PCDH19: variants seen among roughly 807,000 people sequenced by gnomAD.
PCDH19 encodes protocadherin-19.
A neutral mutation model predicts 46.2 loss-of-function variants in PCDH19; 6 were observed. The observed-to-expected ratio is 0.13, with a 90% CI of 0.07 to 0.26. The LOEUF is 0.26. Among genes scored for constraint, PCDH19 ranks in the 10% least tolerant of loss-of-function variants. The pLI is 1.00. For synonymous variants in PCDH19, 481 were observed against 415.7 expected (o/e 1.16, Z -1.91); for missense variants, 740 against 972.3 (o/e 0.76, Z 3.18).
intron 3 of PCDH19, among the ~76,000 whole-genome samples, chrX:100,355,742 C>A (rs1926692388): frequency 9.0e-6 from 1 of 111,060 alleles, no homozygotes; most frequent in African/African-American, 3.3e-5. Context: ...TTCTCAGGTC[C>A]CTTCTGGATA....
intron 4 of PCDH19, among the ~76,000 whole-genome samples, chrX:100,346,070 C>T (rs1231488308): frequency 8.9e-6 from 1 of 112,056 alleles, no homozygotes; most frequent in Non-Finnish European, 1.9e-5. Flanking sequence ...TTAGGGGTTC[C>T]TGTTTCCAAT....
chrX:100,383,727 G>A (rs1000748585), intron 3 of PCDH19, among the ~76,000 whole-genome samples: 1 of 111,937 alleles, frequency 8.9e-6, no homozygotes, highest in African/African-American at 3.2e-5. Flanking sequence ...GACTTAACAT[G>A]ACTCCAAAGT....
At chrX:100,382,871 G>A (rs1381884896) in intron 3 of PCDH19, among the ~76,000 whole-genome samples, 1 of 112,167 alleles carries the variant, frequency 8.9e-6, no homozygotes, top group African/African-American at 3.2e-5. Flanking sequence ...GGGTGTCACA[G>A]TAAGGAACAA....
At chrX:100,377,851 G>T (rs887465060) in intron 3 of PCDH19, among the ~76,000 whole-genome samples, 13 of 112,148 alleles carry the variant, frequency 1.2e-4, no homozygotes, top group African/African-American at 4.2e-4. Context: ...TGAATGGAAG[G>T]CAGCCAAATA....
intron 4 of PCDH19, among the ~76,000 whole-genome samples, chrX:100,346,450 C>T (rs980427717): frequency 8.9e-6 from 1 of 111,780 alleles, no homozygotes; most frequent in Non-Finnish European, 1.9e-5. Context: ...ACCTTGGGAA[C>T]CTGTTACAAC....
intron 4 of PCDH19, among the ~76,000 whole-genome samples, chrX:100,348,077 A>G (rs1378477391): frequency 9.3e-6 from 1 of 107,936 alleles, no homozygotes; most frequent in African/African-American, 3.4e-5. Flanking sequence ...AAAAAAAAAA[A>G]AAAAAAAAAG....
At chrX:100,402,501 C>T (rs1373847417) in intron 3 of PCDH19, 23 bp downstream of exon 3, 21 of 1,186,499 alleles carry the variant, frequency 1.8e-5, no homozygotes, top group Non-Finnish European at 2.3e-5. Context: ...GAGAACCTCA[C>T]AGAGCCACTT....
At chrX:100,354,026 C>G (rs992041313) in intron 3 of PCDH19, among the ~76,000 whole-genome samples, 2 of 111,991 alleles carry the variant, frequency 1.8e-5, no homozygotes, top group African/African-American at 3.3e-5. Flanking sequence ...AAAATCTATG[C>G]AGCAGAATTA....
chrX:100,373,458 T>C (rs1927283497), intron 3 of PCDH19, among the ~76,000 whole-genome samples: 1 of 113,044 alleles, frequency 8.8e-6, no homozygotes, highest in African/African-American at 3.2e-5. Context: ...AACCTCTCCC[T>C]TTCTCTCTTC....
chrX:100,409,721 G>GCCGCCA lies in PCDH19; in HGVS notation c.-1125_-1124insTGGCGG. 1 of 261,127 alleles carries GCCGCCA rather than the reference G, an allele frequency of 3.8e-6. No homozygotes were observed. Among genetic ancestry groups the GCCGCCA allele is most frequent in the Admixed American group, 5.6e-5 (1 of 17,835 alleles). The allele number at this position is 261,127 out of a possible 1,213,427, so 21.5% of individuals were successfully genotyped here. On this transcript the variant is annotated 5_prime_UTR_variant, in exon 1 of 6. Transcript: ENST00000373034. ...TGTCGCTCCAAGGTCCGCCGCCGCC[G>GCCGCCA]CCGCCGCCGCCGCCGCCGCGGGAGG... is the stretch of plus-strand genomic sequence containing the variant.
rs60720039 is a variant in PCDH19, at chrX:100,322,833, G to GTATATA, written c.2848+19064_2848+19069dup. On this transcript the variant is annotated intron_variant, in intron 5 of 5. Transcript: ENST00000373034. ...CCTCCTTGGTTAGGTATATTCCTAA[G>GTATATA]TATATATATATATATATATATATAT... Among the ~76,000 whole-genome samples, 385 of 48,760 alleles carry GTATATA rather than the reference G, an allele frequency of 7.9e-3. 15 individuals are homozygous for GTATATA. The highest frequency in any genetic ancestry group is 0.037 in the East Asian group (72 of 1,972). The allele number at this position is 48,760 out of a possible 115,157, so 42.3% of individuals were successfully genotyped here.
intron 5 of PCDH19, among the ~76,000 whole-genome samples, chrX:100,300,911 G>GC (rs1924755745): frequency 8.2e-5 from 1 of 12,227 alleles, no homozygotes; most frequent in Non-Finnish European, 2.0e-4. Context: ...AAAACCCCTG[G>GC]CCAAAAAAAA....
At chrX:100,371,652 T>C (rs1205022020) in intron 3 of PCDH19, among the ~76,000 whole-genome samples, 1 of 111,189 alleles carries the variant, frequency 9.0e-6, no homozygotes, top group Non-Finnish European at 1.9e-5. Context: ...CCATATCACT[T>C]ATCTTCTAAA....
At chrX:100,310,109 G>A (rs970699473) in intron 5 of PCDH19, among the ~76,000 whole-genome samples, 2 of 111,993 alleles carry the variant, frequency 1.8e-5, no homozygotes, top group Non-Finnish European at 3.8e-5. Context: ...TATCTTCAAT[G>A]GAATCTTTAG....
chrX:100,319,971 C>T (rs1007855982), intron 5 of PCDH19, among the ~76,000 whole-genome samples: 3 of 111,546 alleles, frequency 2.7e-5, no homozygotes, highest in Non-Finnish European at 5.6e-5. Context: ...ACCATTTCCA[C>T]GAAAATACAC....
At position 100,299,399 on chromosome X, in the gene PCDH19, T is replaced by C. The variant is rs141873551; in HGVS notation, c.2849-2524A>G. 1.5e-3 allele frequency among the ~76,000 whole-genome samples: 169 copies of C among 111,502 alleles called. 1 individual carries two copies. Among genetic ancestry groups the C allele is most frequent in the East Asian group, 8.5e-3 (30 of 3,532 alleles). On this transcript the variant is annotated intron_variant, in intron 5 of 5. Transcript: ENST00000373034. ...AATATGAAGTGACTGTCCTCTAATT[T>C]TGAGATTTAGTTTTTTTCAACAGCA...
At chrX:100,344,551 A>G (rs1039194198) in intron 4 of PCDH19, among the ~76,000 whole-genome samples, 1 of 108,882 alleles carries the variant, frequency 9.2e-6, no homozygotes, top group Admixed American at 1.0e-4. Flanking sequence ...GTCCATTTTT[A>G]TAACAAATAC....
intron 5 of PCDH19, among the ~76,000 whole-genome samples, chrX:100,300,598 A>C (rs990871539): frequency 8.9e-6 from 1 of 111,966 alleles, no homozygotes; most frequent in Admixed American, 9.5e-5. Flanking sequence ...TCACGTATAG[A>C]TGAATGAAGG....
chrX:100,407,968 C>G lies in PCDH19; in HGVS notation c.630G>C (p.Ala210=). 8.3e-7 allele frequency: 1 copy of G among 1,208,825 alleles called. No individual in the cohort carries two copies. Among genetic ancestry groups the G allele is most frequent in the South Asian group, 1.8e-5 (1 of 57,030 alleles). Residue 210 remains alanine, a synonymous_variant, in exon 1 of 6, where the codon GCG becomes GCC. Transcript: ENST00000373034. ...TQSHYSFRIT[A]LDGGDPPRLG... ...GGCGCGGCGGGTCGCCACCGTCTAG[C>G]GCAGTGATTCGGAAGCTGTAGTGCG...
Sources: allele counts gnomAD v4.1 joint callset (sites outside exome capture counted in the v4.1 genomes callset), GRCh38; gene constraint gnomAD v4.1.1; transcripts MANE v1.5; gene names NCBI Gene and HGNC (gene_info 2026-07-23, HGNC 2026-07-21).